EFR3A: variants seen among roughly 807,000 people sequenced by gnomAD.
EFR3A encodes the protein EFR3 homolog A, also known as protein EFR3 homolog A.
EFR3A carries 76 observed loss-of-function variants against 104.4 expected under a neutral mutation model. The ratio of observed to expected loss-of-function variants is 0.73; its 90% CI spans 0.60 to 0.88. EFR3A has a LOEUF of 0.88. Ranked by LOEUF, EFR3A falls within the 40% of genes least tolerant of loss-of-function variation. EFR3A has a pLI of 0.00. For synonymous variants in EFR3A, 330 were observed against 330.0 expected, an observed-to-expected ratio of 1.00 and a Z score of 0.00; for missense variants, 985 against 1,012.5, an observed-to-expected ratio of 0.97 and a Z score of 0.37.
At chr8:131,935,397 G>T in intron 1 of EFR3A, 1 of 284,366 alleles carries the variant, frequency 3.5e-6, no homozygotes, top group Non-Finnish European at 7.3e-6. Context: ...GGTGAAGACA[G>T]ACACATATAT....
chr8:132,011,299 G>A lies in EFR3A; in HGVS notation c.*404G>A. 1.0e-6 allele frequency: 1 copy of A among 988,162 alleles called. No individual in the cohort carries two copies. Among genetic ancestry groups the A allele is most frequent in the South Asian group, 4.7e-5 (1 of 21,472 alleles). 61.2% of individuals were successfully genotyped at this position (988,162 alleles called of 1,614,324 possible). A position where few individuals can be genotyped will look rare whatever the true frequency, so the allele number is the denominator to read the frequency against. On this transcript the variant is annotated 3_prime_UTR_variant, in exon 23 of 23. Transcript: ENST00000254624. ...GCCGCTTAGATGTAGAATTTTTGTTGTTGTTTTCTGCAAAGGCAGATACAT... is the reference window on the plus strand; with the variant it reads ...GCCGCTTAGATGTAGAATTTTTGTTATTGTTTTCTGCAAAGGCAGATACAT...
chr8:131,982,815 A>G (rs1820681023), intron 14 of EFR3A, among the ~76,000 whole-genome samples: 1 of 152,148 alleles, frequency 6.6e-6, no homozygotes, highest in Non-Finnish European at 1.5e-5. Context: ...CCACCCAAGT[A>G]TAGAAACCTT....
chr8:131,967,650 A>G (rs953211776), intron 8 of EFR3A, among the ~76,000 whole-genome samples: 2 of 151,342 alleles, frequency 1.3e-5, no homozygotes, highest in African/African-American at 4.8e-5. Context: ...TTAGGCCCCA[A>G]TATCATTCAC....
intron 1 of EFR3A, chr8:131,935,555 A>G (rs1817838247): frequency 2.3e-6 from 1 of 430,638 alleles, no homozygotes; most frequent in Non-Finnish European, 4.6e-6. Context: ...CTATTATGTT[A>G]CATGTGAGAA....
At chr8:132,010,407 GATATATATATATATATATATATAT>G (rs66644698) in intron 22 of EFR3A, among the ~76,000 whole-genome samples, 15 of 81,878 alleles carry the variant, frequency 1.8e-4, no homozygotes, top group Admixed American at 7.6e-4. Flanking sequence ...TCAAGTATGA[GATATATATATATATATATATATAT>G]ATATATATAT....
intron 5 of EFR3A, among the ~76,000 whole-genome samples, chr8:131,952,622 A>G (rs573791715): frequency 6.6e-6 from 1 of 152,276 alleles, no homozygotes; most frequent in South Asian, 2.1e-4. Context: ...TTGTGTAGGA[A>G]TGTTAGGCTT....
At chr8:132,006,160 T>C (rs1165680532) in intron 22 of EFR3A, among the ~76,000 whole-genome samples, 1 of 152,136 alleles carries the variant, frequency 6.6e-6, no homozygotes, top group Non-Finnish European at 1.5e-5. Flanking sequence ...AAGCAGTGAA[T>C]TAATGACTTT....
chr8:131,978,819 G>T (rs377487114), intron 12 of EFR3A, 28 bp from the exon 13 acceptor site: 1 of 1,464,792 alleles, frequency 6.8e-7, no homozygotes, highest in South Asian at 1.6e-5. Flanking sequence ...CATGACAAAA[G>T]GTTGTTTGTT....
At chr8:131,952,262 C>T (rs1818744749) in intron 5 of EFR3A, among the ~76,000 whole-genome samples, 1 of 152,100 alleles carries the variant, frequency 6.6e-6, no homozygotes, top group Non-Finnish European at 1.5e-5. Flanking sequence ...TGAATTAACT[C>T]ATTTAAATTG....
chr8:131,948,714 A>G lies in EFR3A; in HGVS notation c.367-1255A>G, dbSNP rs1818557463. 7.2e-5 allele frequency among the ~76,000 whole-genome samples: 11 copies of G among 152,270 alleles called. No individual in the cohort carries two copies. In the South Asian group the frequency reaches 2.3e-3, roughly 32 times the overall value. On this transcript the variant is annotated intron_variant, in intron 4 of 22. Transcript: ENST00000254624. Reference sequence around the variant, plus strand: ...TTTTAGTGAGTCATTTGGGCAAAAGACAAAATTCTCCAGTTACCTACCTTA... The same window carrying G: ...TTTTAGTGAGTCATTTGGGCAAAAGGCAAAATTCTCCAGTTACCTACCTTA...
At chr8:131,919,348 A>G (rs1198866516) in intron 1 of EFR3A, among the ~76,000 whole-genome samples, 1 of 152,156 alleles carries the variant, frequency 6.6e-6, no homozygotes, top group Non-Finnish European at 1.5e-5. Flanking sequence ...CTGTAATCCC[A>G]GCACTTTGGG....
intron 1 of EFR3A, among the ~76,000 whole-genome samples, chr8:131,915,764 G>A (rs1329885714): frequency 6.6e-6 from 1 of 152,154 alleles, no homozygotes; most frequent in African/African-American, 2.4e-5. Context: ...TTATGCAGGT[G>A]GAAATAACCA....
chr8:131,914,459 T>G (rs1376337118), intron 1 of EFR3A, among the ~76,000 whole-genome samples: 2 of 152,180 alleles, frequency 1.3e-5, no homozygotes, highest in African/African-American at 4.8e-5. Flanking sequence ...CATATTGCTC[T>G]TGACCCACAT....
intron 10 of EFR3A, among the ~76,000 whole-genome samples, chr8:131,974,041 A>T (rs757179228): frequency 8.5e-5 from 13 of 152,342 alleles, no homozygotes; most frequent in South Asian, 2.1e-4. Context: ...TTGGGAGACA[A>T]AAATAAGAGT....
At chr8:131,906,804 A>G (rs1411634536) in intron 1 of EFR3A, among the ~76,000 whole-genome samples, 1 of 152,224 alleles carries the variant, frequency 6.6e-6, no homozygotes, top group Admixed American at 6.5e-5. Context: ...TTTCAAGACT[A>G]TGCTGCTGAA....
At chr8:131,962,832 C>T (rs1284888549) in intron 8 of EFR3A, among the ~76,000 whole-genome samples, 1 of 152,204 alleles carries the variant, frequency 6.6e-6, no homozygotes, top group Non-Finnish European at 1.5e-5. Context: ...AAGCACTCCT[C>T]AGCAAATGTA....
chr8:131,979,498 C>A (rs1820495691), intron 14 of EFR3A, 77 bp downstream of exon 14: 1 of 1,037,198 alleles, frequency 9.6e-7, no homozygotes, highest in Non-Finnish European at 1.4e-6. Context: ...TTATATTGAT[C>A]TGTGCCCTTG....
chr8:131,924,889 G>T (rs888916086), intron 1 of EFR3A, among the ~76,000 whole-genome samples: 4 of 151,914 alleles, frequency 2.6e-5, no homozygotes, highest in Non-Finnish European at 4.4e-5. Flanking sequence ...TTATAGGTGG[G>T]TCCTTCTATT....
chr8:131,945,131 C>T (rs1289184683), intron 3 of EFR3A, among the ~76,000 whole-genome samples: 1 of 151,778 alleles, frequency 6.6e-6, no homozygotes, highest in East Asian at 1.9e-4. Flanking sequence ...ATTTTTGAGT[C>T]TTTTCTAATG....
Sources: allele counts gnomAD v4.1 joint callset (sites outside exome capture counted in the v4.1 genomes callset), GRCh38; gene constraint gnomAD v4.1.1; transcripts MANE v1.5; gene names NCBI Gene and HGNC (gene_info 2026-07-23, HGNC 2026-07-21).